HPF1: variants seen among roughly 807,000 people sequenced by gnomAD.
HPF1 encodes histone PARylation factor 1, also known as UPF0609 protein C4orf27.
HPF1 carries 35 observed loss-of-function variants against 38.8 expected under a neutral mutation model. The observed-to-expected ratio is 0.90, with a 90% CI of 0.69 to 1.19. HPF1 has a LOEUF of 1.19. Among genes scored for constraint, HPF1 ranks in the 50% most tolerant of loss-of-function variants. The pLI is 0.00. For synonymous variants in HPF1, 115 were observed against 139.2 expected (o/e 0.83, Z 1.22); for missense variants, 367 against 405.8 (o/e 0.90, Z 0.82).
intron 6 of HPF1, 130 bp from the exon 7 acceptor site, chr4:169,732,006 G>C (rs1733836452): frequency 7.5e-6 from 5 of 670,236 alleles, no homozygotes; most frequent in Non-Finnish European, 1.0e-5. Flanking sequence ...TGCCACCTTG[G>C]GTAGTAGTCT....
intron 5 of HPF1, among the ~76,000 whole-genome samples, chr4:169,740,338 T>G (rs1272777155): frequency 2.6e-5 from 4 of 152,236 alleles, no homozygotes; most frequent in Non-Finnish European, 5.9e-5. Context: ...AATTCCAACT[T>G]TGCAGATTTG....
intron 4 of HPF1, among the ~76,000 whole-genome samples, chr4:169,744,663 G>A (rs913473421): frequency 8.5e-5 from 13 of 152,116 alleles, no homozygotes; most frequent in Admixed American, 3.9e-4. Flanking sequence ...AAGCTATTGC[G>A]CTCACAGTGG....
chr4:169,741,774 G>GT (rs1733971793), intron 5 of HPF1, among the ~76,000 whole-genome samples, 183 bp downstream of exon 5: 5 of 152,156 alleles, frequency 3.3e-5, no homozygotes, highest in Non-Finnish European at 7.4e-5. Context: ...ACCCAAAGGA[G>GT]CCATCTGACC....
Position 169,731,846 on chromosome 4 carries a change from A to G in HPF1, c.767T>C (p.Val256Ala). Residue 256 changes from valine (V) to alanine (A), a missense_variant, in exon 7 of 8, where the codon GTT becomes GCT. Transcript: ENST00000393381. Reference sequence around the variant, plus strand: ...TCTCTCCTCATCACTTGCAGCCTCAACTATTGTCTTGCAAATTCTCTTGAG... The same window carrying G: ...TCTCTCCTCATCACTTGCAGCCTCAGCTATTGTCTTGCAAATTCTCTTGAG... Reference protein sequence around the residue: ...ADLKRICKTIVEAASDEERLK... With the variant: ...ADLKRICKTIAEAASDEERLK... 6.2e-7 allele frequency: 1 copy of G among 1,613,596 alleles called. No homozygotes were observed. The highest frequency in any genetic ancestry group is 8.5e-7 in the Non-Finnish European group (1 of 1,179,640).
At chr4:169,748,610 G>A (rs1481848560) in intron 4 of HPF1, 134 bp downstream of exon 4, 10 of 484,524 alleles carry the variant, frequency 2.1e-5, no homozygotes, top group Admixed American at 1.2e-4. Flanking sequence ...TGACCTAAGC[G>A]ATCTGCCCAC....
chr4:169,731,688 G>A lies in HPF1; in HGVS notation c.909+16C>T. On this transcript the variant is annotated intron_variant, in intron 7 of 7. Transcript: ENST00000393381. ...GGTGTGGCAGTGGGTAGAAGGTGGA[G>A]GGTTTTTTTACTCACATGTGAGCCA... 1 of 1,502,496 alleles carries A rather than the reference G, an allele frequency of 6.7e-7. No homozygotes were observed. Among genetic ancestry groups the A allele is most frequent in the Non-Finnish European group, 8.8e-7 (1 of 1,130,178 alleles). 93.1% of individuals were successfully genotyped at this position (1,502,496 alleles called of 1,614,324 possible).
intron 4 of HPF1, among the ~76,000 whole-genome samples, chr4:169,743,235 G>C (rs575314066): frequency 6.6e-6 from 1 of 151,552 alleles, no homozygotes; most frequent in African/African-American, 2.4e-5. Context: ...TCAGCCTCCC[G>C]AGTAGCTGGG....
At chr4:169,737,010 A>T (rs1733904547) in intron 6 of HPF1, among the ~76,000 whole-genome samples, 2 of 152,240 alleles carry the variant, frequency 1.3e-5, no homozygotes, top group African/African-American at 4.8e-5. Flanking sequence ...TTCACAAAGA[A>T]CCATAAAAAC....
intron 5 of HPF1, among the ~76,000 whole-genome samples, chr4:169,739,399 T>G (rs1733937390): frequency 6.6e-6 from 1 of 151,664 alleles, no homozygotes; most frequent in Admixed American, 6.6e-5. Flanking sequence ...CTAACCCTGA[T>G]AGAGAAATGG....
intron 6 of HPF1, 87 bp downstream of exon 6, chr4:169,737,573 T>C: frequency 1.2e-6 from 1 of 855,138 alleles, no homozygotes. Context: ...AGAAAAGGTA[T>C]ATAGACATAC....
At chr4:169,738,698 AGTCATT>A (rs1431979740) in intron 5 of HPF1, among the ~76,000 whole-genome samples, 1 of 152,210 alleles carries the variant, frequency 6.6e-6, no homozygotes, top group Non-Finnish European at 1.5e-5. Flanking sequence ...AAAAAAATGA[AGTCATT>A]GTCTTCTATC....
intron 4 of HPF1, among the ~76,000 whole-genome samples, chr4:169,743,130 ATGT>A (rs932673375): frequency 6.7e-6 from 1 of 150,186 alleles, no homozygotes; most frequent in Non-Finnish European, 1.5e-5. Context: ...TTTTTCCGAG[ATGT>A]TGTTTCATTC....
intron 3 of HPF1, 39 bp downstream of exon 3, chr4:169,750,497 C>G: frequency 1.4e-6 from 2 of 1,434,556 alleles, no homozygotes; most frequent in Non-Finnish European, 1.9e-6. Context: ...ATTAGCAGGA[C>G]AGCAGCTGTA....
At chr4:169,733,192 T>G (rs906854428) in intron 6 of HPF1, among the ~76,000 whole-genome samples, 1 of 152,224 alleles carries the variant, frequency 6.6e-6, no homozygotes, top group Non-Finnish European at 1.5e-5. Flanking sequence ...AGCATGCGTT[T>G]GAGGTAAGAA....
At chr4:169,748,162 A>G (rs191219108) in intron 4 of HPF1, among the ~76,000 whole-genome samples, 54 of 152,304 alleles carry the variant, frequency 3.5e-4, no homozygotes, top group African/African-American at 1.3e-3. Context: ...TAAACTCTTA[A>G]CAGGTGTTTA....
intron 5 of HPF1, 100 bp downstream of exon 5, chr4:169,741,857 T>C (rs1733973340): frequency 4.2e-6 from 4 of 949,694 alleles, no homozygotes; most frequent in Non-Finnish European, 6.3e-6. Flanking sequence ...GTTCTTAAGA[T>C]AGGACTAGGG....
chr4:169,734,480 T>C (rs1733868839), intron 6 of HPF1, among the ~76,000 whole-genome samples: 1 of 152,184 alleles, frequency 6.6e-6, no homozygotes, highest in Non-Finnish European at 1.5e-5. Flanking sequence ...TTATGCGAAT[T>C]ACTAAGCTAG....
At chr4:169,730,925 C>T (rs1487507412) in intron 7 of HPF1, among the ~76,000 whole-genome samples, 1 of 152,200 alleles carries the variant, frequency 6.6e-6, no homozygotes, top group Non-Finnish European at 1.5e-5. Flanking sequence ...GGGCAAGATG[C>T]TTTGCCTCTC....
At chr4:169,756,109 GTAGTT>G (rs1422812753) in intron 1 of HPF1, among the ~76,000 whole-genome samples, 2 of 152,160 alleles carry the variant, frequency 1.3e-5, no homozygotes, top group East Asian at 3.8e-4. Flanking sequence ...GTAAAAACAA[GTAGTT>G]AAGTGATACT....
Sources: gnomAD v4.1 joint callset for allele counts (sites outside exome capture counted in the v4.1 genomes callset) on GRCh38, gnomAD v4.1.1 for gene constraint, MANE v1.5 for transcripts, NCBI Gene and HGNC (gene_info 2026-07-23, HGNC 2026-07-21) for gene names.